TMCC1: variants seen among roughly 807,000 people sequenced by gnomAD.
TMCC1 encodes the protein transmembrane and coiled-coil domain family 1.
In TMCC1, 15 loss-of-function variants were observed where a neutral mutation model predicts 52.4. The ratio of observed to expected loss-of-function variants is 0.29; its 90% confidence interval spans 0.19 to 0.44. The LOEUF is 0.44. Ranked by LOEUF, TMCC1 falls within the 20% of genes least tolerant of loss-of-function variation. TMCC1 has a pLI of 1.00. For missense variants in TMCC1, 503 were observed against 806.0 expected (o/e 0.62, Z 4.55); for synonymous variants, 279 against 301.9 (o/e 0.92, Z 0.79).
rs1476856446 is a variant in TMCC1, at chr3:129,651,575, C to A, written c.1868G>T (p.Ser623Ile). Residue 623 changes from serine to isoleucine, a missense_variant, in exon 7 of 7, where the codon AGC becomes ATC. Physicochemically the swap from Ser to Ile is moderately radical, Grantham distance 142. This residue lies in a region of TMCC1 where 50 missense variants were observed against 62.6 expected (regional missense o/e 0.80). Coordinates refer to ENST00000393238, the MANE Select transcript of TMCC1 (RefSeq NM_001017395.5). The surrounding 1 kb of genome is among the most constrained non-coding windows in gnomAD (Gnocchi z 5.1). ...AATAAAAACCACAAGGAATAAAGTG[C>A]TGAACGTCCTGTTGCGAGTCTTCAT... ...PLMKTRNRTF[S>I]TLFLVVFIAF... 5 of 1,614,216 alleles carry A rather than the reference C, an allele frequency of 3.1e-6. No individual in the cohort carries two copies. The highest frequency in any genetic ancestry group is 4.2e-6 in the Non-Finnish European group (5 of 1,180,044).
At chr3:129,749,315 C>A (rs2052286284) in intron 4 of TMCC1, among the ~76,000 whole-genome samples, 1 of 152,004 alleles carries the variant, frequency 6.6e-6, no homozygotes, top group African/African-American at 2.4e-5. Context: ...CCCACAGAAC[C>A]AGTCCACTAC....
At chr3:129,882,638 G>A (rs984677819) in intron 1 of TMCC1, among the ~76,000 whole-genome samples, 8 of 152,134 alleles carry the variant, frequency 5.3e-5, no homozygotes, top group African/African-American at 1.2e-4. Flanking sequence ...ATGAACAGAT[G>A]CATAGATAAG....
chr3:129,864,971 C>T (rs140944516), intron 2 of TMCC1, among the ~76,000 whole-genome samples: 45 of 152,322 alleles, frequency 3.0e-4, no homozygotes, highest in African/African-American at 1.0e-3. Flanking sequence ...GCCTACTAGG[C>T]GTCCAGGCAC....
intron 2 of TMCC1, among the ~76,000 whole-genome samples, chr3:129,860,727 G>A (rs1264376477): frequency 2.0e-5 from 3 of 151,940 alleles, no homozygotes; most frequent in Non-Finnish European, 4.4e-5. Context: ...AGCCTCCAGA[G>A]TAGCTGGAAT....
intron 4 of TMCC1, among the ~76,000 whole-genome samples, chr3:129,797,805 A>G (rs912755308): frequency 4.6e-5 from 7 of 152,218 alleles, no homozygotes; most frequent in Admixed American, 1.3e-4. Context: ...AAGGTTGAAC[A>G]TATCTAAGTG....
intron 1 of TMCC1, among the ~76,000 whole-genome samples, chr3:129,880,856 T>G (rs1028460673): frequency 1.3e-5 from 2 of 150,986 alleles, no homozygotes; most frequent in African/African-American, 4.9e-5. Context: ...AGGCTGCAAA[T>G]TTTTTTTCTT....
intron 2 of TMCC1, among the ~76,000 whole-genome samples, chr3:129,870,447 G>A (rs554058430): frequency 1.4e-4 from 22 of 151,858 alleles, no homozygotes; most frequent in African/African-American, 5.1e-4. Context: ...AGATATGGTG[G>A]CTAATGAGGC....
intron 5 of TMCC1, among the ~76,000 whole-genome samples, chr3:129,659,811 T>A (rs560067353): frequency 6.6e-6 from 1 of 152,340 alleles, no homozygotes; most frequent in East Asian, 1.9e-4. Flanking sequence ...AGCTAATGCA[T>A]GTGCTCAGTC....
intron 4 of TMCC1, among the ~76,000 whole-genome samples, chr3:129,764,462 G>C (rs2053909096): frequency 6.6e-6 from 1 of 152,036 alleles, no homozygotes; most frequent in Non-Finnish European, 1.5e-5. Flanking sequence ...CCTTTGGTTT[G>C]GTTAGGATAA....
In TMCC1 at chr3:129,651,696, G is replaced by A. The variant is rs2086334480; in HGVS notation, c.1747C>T (p.Arg583Trp). ...TTGATGAGTTTGCCCAGAAGGTTCC[G>A]GGCAGTGGCATTCTCCAGCCCTTCT... ...QLEGLENATA[R>W]NLLGKLINIL... Residue 583 changes from arginine to tryptophan, a missense_variant, in exon 7 of 7, where the codon CGG becomes TGG. Arg to Trp is a moderately radical substitution (Grantham distance 101, BLOSUM62 -3). Coordinates refer to ENST00000393238, the MANE Select transcript of TMCC1 (RefSeq NM_001017395.5). This position sits in a 1 kb window ranked among gnomAD's most constrained non-coding sequence, Gnocchi z 5.1. The A allele has an allele frequency of 6.2e-7, 1 of 1,614,198 alleles. No individual in the cohort carries two copies. The highest frequency in any genetic ancestry group is 8.5e-7 in the Non-Finnish European group (1 of 1,180,028).
chr3:129,827,832 G>A lies in TMCC1; in HGVS notation c.547C>T (p.Leu183=). 1 of 1,613,944 alleles carries A rather than the reference G, an allele frequency of 6.2e-7. No homozygotes were observed. The highest frequency in any genetic ancestry group is 8.5e-7 in the Non-Finnish European group (1 of 1,179,858). The change falls in exon 4 of 7, where the codon CTA becomes TTA. Residue 183 remains leucine, a synonymous_variant. Transcript: ENST00000393238. The part of the protein sequence containing the change: ...CAAAAAAAAC[L]PGEEGTAERI... ...TCCGCAGTTCCCTCCTCTCCTGGTA[G>A]ACATGCAGCAGCAGCAGCAGCAGCA...
At chr3:129,706,049 C>A (rs986949229) in intron 4 of TMCC1, among the ~76,000 whole-genome samples, 5 of 151,694 alleles carry the variant, frequency 3.3e-5, no homozygotes, top group Non-Finnish European at 5.9e-5. Context: ...CGCCACCATG[C>A]CTGGCTAATT....
At chr3:129,749,248 T>C (rs1331992472) in intron 4 of TMCC1, among the ~76,000 whole-genome samples, 11 of 152,064 alleles carry the variant, frequency 7.2e-5, no homozygotes, top group Non-Finnish European at 1.6e-4. Flanking sequence ...ACCTATGGAA[T>C]GAGATTCTCA....
chr3:129,859,639 AAC>A (rs2060294534), intron 2 of TMCC1, among the ~76,000 whole-genome samples: 2 of 108,714 alleles, frequency 1.8e-5, no homozygotes, highest in South Asian at 7.0e-4. Flanking sequence ...CCTGTCTCAA[AAC>A]ACACACACAT....
intron 4 of TMCC1, among the ~76,000 whole-genome samples, chr3:129,678,867 G>A (rs1221041267): frequency 3.9e-5 from 6 of 152,168 alleles, no homozygotes; most frequent in Non-Finnish European, 8.8e-5. Flanking sequence ...TCCTAGCAAT[G>A]CAACAGTCTC....
intron 4 of TMCC1, among the ~76,000 whole-genome samples, chr3:129,762,238 T>C (rs888585565): frequency 6.6e-6 from 1 of 151,892 alleles, no homozygotes; most frequent in Non-Finnish European, 1.5e-5. Flanking sequence ...CAGGGTTTCA[T>C]CATGTTGCCC....
chr3:129,820,774 C>A (rs1395897051), intron 4 of TMCC1, among the ~76,000 whole-genome samples: 2 of 152,074 alleles, frequency 1.3e-5, no homozygotes, highest in East Asian at 3.9e-4. Context: ...AGGAAAAAAA[C>A]AACAGAATTA....
At chr3:129,766,681 C>A (rs1030831303) in intron 4 of TMCC1, among the ~76,000 whole-genome samples, 1 of 151,996 alleles carries the variant, frequency 6.6e-6, no homozygotes, top group African/African-American at 2.4e-5. Context: ...AGTGTAGCAG[C>A]ACAATCTCCG....
At chr3:129,871,748 T>C (rs1046790599) in intron 2 of TMCC1, among the ~76,000 whole-genome samples, 2 of 152,056 alleles carry the variant, frequency 1.3e-5, no homozygotes, top group African/African-American at 4.8e-5. Flanking sequence ...TAAACAGGAA[T>C]TAAAATTTGA....
Sources: allele counts gnomAD v4.1 joint callset (sites outside exome capture counted in the v4.1 genomes callset), GRCh38; gene constraint gnomAD v4.1.1; regional missense constraint gnomAD v4.1.1; non-coding constraint Gnocchi (gnomAD v3.1); transcripts MANE v1.5; gene names NCBI Gene and HGNC (gene_info 2026-07-23, HGNC 2026-07-21).